The following TMCC3 variants were observed in gnomAD, a reference collection of about 807,000 sequenced individuals.
TMCC3 encodes transmembrane and coiled-coil domain family 3.
In TMCC3, 28 loss-of-function variants were observed where a neutral mutation model predicts 40.2. That is an observed-to-expected ratio of 0.70 (90% CI 0.52 to 0.95). The LOEUF (loss-of-function observed/expected upper bound fraction) is 0.95, where lower values mean the gene tolerates loss of function less well. TMCC3 is among the 40% of genes least tolerant of loss of function. The pLI, the probability that TMCC3 is intolerant of heterozygous loss-of-function variation, is 0.00. For missense variants in TMCC3, 554 were observed against 615.2 expected (o/e 0.90, Z 1.05); for synonymous variants, 255 against 248.5 (o/e 1.03, Z -0.25).
chr12:94,630,256 CAA>C (rs59380759), intron 1 of TMCC3, among the ~76,000 whole-genome samples: 120,886 of 145,614 alleles, frequency 0.83, 50,293 homozygotes, highest in Non-Finnish European at 0.89. Context: ...GACTCTGTCC[CAA>C]AAAAAAAAAA....
rs869220054 is a variant in TMCC3 at position 94,597,124 on chromosome 12, CATAT to C, written c.79-14590_79-14587del. Among the ~76,000 whole-genome samples the C allele has an allele frequency of 1.7e-3, 50 of 29,832 alleles. 2 individuals are homozygous for C. The highest frequency in any genetic ancestry group is 3.3e-3 in the African/African-American group (34 of 10,152). 19.6% of individuals were successfully genotyped at this position (29,832 alleles called of 152,430 possible). Reference sequence around the variant, plus strand: ...GTAAGTCACTGTCTCTATTAAAATACATATATATATATATATATATATATATATA... The same window carrying C: ...GTAAGTCACTGTCTCTATTAAAATACATATATATATATATATATATATATA... On this transcript the variant is annotated intron_variant, in intron 1 of 3. Transcript: ENST00000261226.
At chr12:94,625,957 G>A (rs1157138517) in intron 1 of TMCC3, among the ~76,000 whole-genome samples, 1 of 152,168 alleles carries the variant, frequency 6.6e-6, no homozygotes, top group Non-Finnish European at 1.5e-5. Context: ...TTCTCACACT[G>A]CTATAAAGAT....
intron 1 of TMCC3, among the ~76,000 whole-genome samples, chr12:94,628,473 A>C (rs540190618): frequency 6.6e-6 from 1 of 152,206 alleles, no homozygotes; most frequent in African/African-American, 2.4e-5. Flanking sequence ...TGACAGGCAC[A>C]CGGGTTCAAT....
intron 1 of TMCC3, 96 bp downstream of exon 1, chr12:94,650,257 C>T (rs1031945047): frequency 1.0e-5 from 8 of 791,054 alleles, no homozygotes; most frequent in Non-Finnish European, 1.2e-5. Flanking sequence ...GGCGGCGAAA[C>T]GCCGGGGGCG....
chr12:94,637,039 TAA>T (rs200437302), intron 1 of TMCC3, among the ~76,000 whole-genome samples: 3 of 149,140 alleles, frequency 2.0e-5, no homozygotes, highest in African/African-American at 7.4e-5. Flanking sequence ...ACACAACAGT[TAA>T]AAAAAAAATA....
chr12:94,649,922 G>C (rs1466028863), intron 1 of TMCC3, among the ~76,000 whole-genome samples: 1 of 152,068 alleles, frequency 6.6e-6, no homozygotes. Flanking sequence ...CGAGGACAGG[G>C]AGACAGGGCG....
intron 1 of TMCC3, chr12:94,644,390 T>G (rs1294070103): frequency 1.0e-6 from 1 of 985,330 alleles, no homozygotes; most frequent in Non-Finnish European, 1.2e-6. Flanking sequence ...GGTTGATTTC[T>G]GACCTTAGCA....
chr12:94,631,897 G>C (rs2068935759), intron 1 of TMCC3, among the ~76,000 whole-genome samples: 1 of 152,208 alleles, frequency 6.6e-6, no homozygotes, highest in Non-Finnish European at 1.5e-5. Context: ...AACAGATGAG[G>C]TGTGGGATTT....
rs1220572786 is a variant in TMCC3 at position 94,601,288 on chromosome 12, G to A, written c.79-18750C>T. ...CCAACACTTTGGGAGGCTGAGGCGG[G>A]CAGATCACTTGAGGCCAGGCTTTCG... On this transcript the variant is annotated intron_variant, in intron 1 of 3. Coordinates refer to ENST00000261226, the MANE Select transcript of TMCC3 (RefSeq NM_020698.4). 2.6e-5 allele frequency among the ~76,000 whole-genome samples: 4 copies of A among 152,196 alleles called. No homozygotes were observed. In the South Asian group the frequency reaches 8.3e-4, roughly 32 times the overall value.
Position 94,588,462 on chromosome 12 carries a change from C to G in TMCC3, c.79-5924G>C, listed in dbSNP as rs563260036. Among the ~76,000 whole-genome samples, 4 of 152,234 alleles carry G rather than the reference C, an allele frequency of 2.6e-5. No homozygotes were observed. The East Asian group carries it at 7.7e-4, about 29-fold the overall frequency. ...CAGATGACAACGGCCTGCTTAGTCTCAAGGCTGAAGACAATGAACCTTTGC... is the reference window on the plus strand; with the variant it reads ...CAGATGACAACGGCCTGCTTAGTCTGAAGGCTGAAGACAATGAACCTTTGC... On this transcript the variant is annotated intron_variant, in intron 1 of 3. Transcript: ENST00000261226.
intron 1 of TMCC3, among the ~76,000 whole-genome samples, chr12:94,590,443 C>T (rs1487194700): frequency 6.6e-6 from 1 of 151,912 alleles, no homozygotes; most frequent in Non-Finnish European, 1.5e-5. Flanking sequence ...ACAATGCCTA[C>T]GCATTTACAA....
chr12:94,601,502 G>C lies in TMCC3; in HGVS notation c.79-18964C>G, dbSNP rs574962949. Among the ~76,000 whole-genome samples the C allele has an allele frequency of 9.9e-4, 150 of 152,066 alleles. 3 individuals are homozygous for C. Among genetic ancestry groups the C allele is most frequent in the African/African-American group, 3.5e-3 (145 of 41,468 alleles). Reference sequence around the variant, plus strand: ...CATTACACTCACTACACTCCAGCCTGGGCAACAGAGTGAGGCTGTGTCTCA... The same window carrying C: ...CATTACACTCACTACACTCCAGCCTCGGCAACAGAGTGAGGCTGTGTCTCA... On this transcript the variant is annotated intron_variant, in intron 1 of 3. Coordinates refer to ENST00000261226, the MANE Select transcript of TMCC3 (RefSeq NM_020698.4).
intron 3 of TMCC3, among the ~76,000 whole-genome samples, chr12:94,572,883 C>T (rs1413599741): frequency 2.0e-5 from 3 of 151,784 alleles, no homozygotes; most frequent in Admixed American, 6.6e-5. Flanking sequence ...TCTCTGAACG[C>T]GGTGTTACTC....
At chr12:94,623,721 C>A (rs941382859) in intron 1 of TMCC3, among the ~76,000 whole-genome samples, 1 of 152,246 alleles carries the variant, frequency 6.6e-6, no homozygotes, top group African/African-American at 2.4e-5. Flanking sequence ...TAAGGAAACA[C>A]GTGTGGGCTA....
At chr12:94,630,512 G>A (rs1262924638) in intron 1 of TMCC3, among the ~76,000 whole-genome samples, 2 of 152,060 alleles carry the variant, frequency 1.3e-5, no homozygotes, top group East Asian at 3.9e-4. Flanking sequence ...ACCCCTGTTT[G>A]AGCCTCAGTT....
In TMCC3 at chr12:94,568,802, G is replaced by C. The variant is rs1422106334; in HGVS notation, c.*2633C>G. ...GTTGAGCCTATCCAAGTGAAAACAA[G>C]GTTATTTGACATTTAGTGAGAGTCA... is the stretch of plus-strand genomic sequence containing the variant. On this transcript the variant is annotated 3_prime_UTR_variant, in exon 4 of 4. Coordinates refer to ENST00000261226, the MANE Select transcript of TMCC3 (RefSeq NM_020698.4). 1 of 152,114 alleles carries C rather than the reference G, an allele frequency of 6.6e-6. No homozygotes were observed. Among genetic ancestry groups the C allele is most frequent in the Admixed American group, 6.5e-5 (1 of 15,270 alleles). The allele number at this position is 152,114 out of a possible 1,614,324, so 9.4% of individuals were successfully genotyped here. A position where few individuals can be genotyped will look rare whatever the true frequency, so the allele number is the denominator to read the frequency against.
chr12:94,634,159 G>C (rs1016505944), intron 1 of TMCC3, among the ~76,000 whole-genome samples: 1 of 151,974 alleles, frequency 6.6e-6, no homozygotes, highest in Non-Finnish European at 1.5e-5. Context: ...TGGCCAGGCT[G>C]GTCTCGAACT....
At chr12:94,582,987 TTTTTTTTAA>T (rs2068615474) in intron 1 of TMCC3, among the ~76,000 whole-genome samples, 1 of 24,274 alleles carries the variant, frequency 4.1e-5, no homozygotes, top group South Asian at 1.0e-3. Context: ...TTTTTTTTTT[TTTTTTTTAA>T]AAAAGAAAGA....
intron 1 of TMCC3, among the ~76,000 whole-genome samples, chr12:94,640,834 A>AAGAGGT (rs1235755362): frequency 2.0e-5 from 3 of 152,244 alleles, no homozygotes; most frequent in Non-Finnish European, 4.4e-5. Context: ...TCTGTTGCTC[A>AAGAGGT]AATCCAGAGG....
Sources: gnomAD v4.1 joint callset for allele counts (sites outside exome capture counted in the v4.1 genomes callset) on GRCh38, gnomAD v4.1.1 for gene constraint, MANE v1.5 for transcripts, NCBI Gene and HGNC (gene_info 2026-07-23, HGNC 2026-07-21) for gene names.